Variants in ASCC1 observed in about 807,000 individuals in gnomAD.
ASCC1 encodes ASC-1 complex subunit P50.
In ASCC1, 35 loss-of-function variants were observed where a neutral mutation model predicts 46.6. The observed-to-expected ratio is 0.75, with a 90% CI of 0.57 to 0.99. ASCC1 has a LOEUF of 0.99. Ranked by LOEUF, ASCC1 falls within the 50% of genes least tolerant of loss-of-function variation. The pLI is 0.00. For synonymous variants in ASCC1, 143 were observed against 146.6 expected (o/e 0.98, Z 0.18); for missense variants, 376 against 428.7 (o/e 0.88, Z 1.09).
chr10:72,216,994 C>G (rs1859468681), upstream of ASCC1: 1 of 455,168 alleles, frequency 2.2e-6, no homozygotes, highest in African/African-American at 2.0e-5. Context: ...CAGCGCTTCT[C>G]TATCTCCTGC....
At chr10:72,200,533 A>G (rs760700405) in intron 4 of ASCC1, among the ~76,000 whole-genome samples, 2 of 151,992 alleles carry the variant, frequency 1.3e-5, no homozygotes, top group Non-Finnish European at 2.9e-5. Context: ...CTGTAATCCC[A>G]ACTACTTGGT....
chr10:72,196,961 T>C lies in ASCC1; in HGVS notation c.339A>G (p.Val113=). ...IVITGQHRNG[V]ISARTRIDVL... ...CATCAATCCGTGTTCGGGCTGAAAT[T>C]ACACCATTTCGATGCTGGCCAGTGA... The change falls in exon 5 of 10, where the codon GTA becomes GTG. Residue 113 remains valine (V), a synonymous_variant. Transcript: ENST00000672957. The C allele has an allele frequency of 3.7e-6, 6 of 1,613,688 alleles. No individual in the cohort carries two copies. Among genetic ancestry groups the C allele is most frequent in the Non-Finnish European group, 5.1e-6 (6 of 1,180,004 alleles).
At chr10:72,178,353 T>C (rs1026945979) in intron 5 of ASCC1, among the ~76,000 whole-genome samples, 22 of 152,196 alleles carry the variant, frequency 1.4e-4, no homozygotes, top group Non-Finnish European at 2.2e-4. Context: ...TTATGTTCTA[T>C]GGTACAGCGG....
chr10:72,214,624 G>A (rs892939069), intron 1 of ASCC1, among the ~76,000 whole-genome samples: 1 of 151,826 alleles, frequency 6.6e-6, no homozygotes, highest in African/African-American at 2.4e-5. Context: ...TGATCCACCC[G>A]CCTCAGTCTC....
intron 9 of ASCC1, among the ~76,000 whole-genome samples, chr10:72,120,227 CAAAT>C (rs1012264382): frequency 1.3e-5 from 2 of 152,034 alleles, no homozygotes; most frequent in African/African-American, 4.8e-5. Context: ...GACTCCATCT[CAAAT>C]AAATAAATAA....
intron 6 of ASCC1, among the ~76,000 whole-genome samples, chr10:72,155,006 TATA>T (rs1289452315): frequency 3.9e-5 from 6 of 152,204 alleles, no homozygotes; most frequent in East Asian, 1.9e-4. Context: ...ATAAAACTGA[TATA>T]ATAAGTTATA....
intron 5 of ASCC1, among the ~76,000 whole-genome samples, chr10:72,187,719 CAAAAAAAAA>C (rs761851091): frequency 2.8e-5 from 1 of 35,220 alleles, no homozygotes; most frequent in Non-Finnish European, 5.6e-5. Flanking sequence ...GAATCCGTCT[CAAAAAAAAA>C]AAAAAAAAAA....
At chr10:72,183,466 T>TG (rs1236202105) in intron 5 of ASCC1, among the ~76,000 whole-genome samples, 1 of 151,926 alleles carries the variant, frequency 6.6e-6, no homozygotes, top group African/African-American at 2.4e-5. Flanking sequence ...GAGACCAGCC[T>TG]GGGCAACACA....
intron 9 of ASCC1, 91 bp from the exon 10 acceptor site, chr10:72,097,541 C>T: frequency 1.3e-6 from 1 of 744,940 alleles, no homozygotes; most frequent in South Asian, 1.5e-5. Flanking sequence ...CACCAAACCA[C>T]AACAATCCCA....
At chr10:72,101,366 A>C (rs1274539962) in intron 9 of ASCC1, among the ~76,000 whole-genome samples, 2 of 152,180 alleles carry the variant, frequency 1.3e-5, no homozygotes, top group African/African-American at 4.8e-5. Context: ...GGCCATCAAT[A>C]AATGCAGCAG....
intron 5 of ASCC1, among the ~76,000 whole-genome samples, chr10:72,192,853 T>C (rs909708484): frequency 2.0e-5 from 3 of 151,866 alleles, no homozygotes; most frequent in South Asian, 2.1e-4. Context: ...AAAGATAATA[T>C]AAGGATGGCA....
At chr10:72,216,708 T>A (rs1859413820), upstream of ASCC1, 1 of 406,626 alleles carries the variant, frequency 2.5e-6, no homozygotes, top group African/African-American at 2.1e-5. Context: ...TGCGAGGTCA[T>A]CCCTGCCGTA....
intron 8 of ASCC1, among the ~76,000 whole-genome samples, chr10:72,129,976 C>CAA (rs34426096): frequency 1.6e-5 from 1 of 64,330 alleles, no homozygotes; most frequent in Non-Finnish European, 2.7e-5. Context: ...GACCTTGTCT[C>CAA]AAAAAAAAAA....
rs1456931694 is a variant in ASCC1 at position 72,196,870 on chromosome 10, CTTCATTGAGGAAA to C, written c.417_429del (p.Phe139LeufsTer9). On this transcript the variant is annotated frameshift_variant, in exon 5 of 10. Transcript: ENST00000672957. LOFTEE classifies it high-confidence loss of function. ...CTCAGGAATCCTTCCTGAACCTCAA[CTTCATTGAGGAAA>C]AAGGCAAGGAAGTGAGTGAAGGGCT... 6.2e-7 allele frequency: 1 copy of C among 1,613,556 alleles called. No individual in the cohort carries two copies. The highest frequency in any genetic ancestry group is 2.2e-5 in the East Asian group (1 of 44,868).
chr10:72,159,638 C>A (rs948057283), intron 6 of ASCC1, among the ~76,000 whole-genome samples: 1 of 152,044 alleles, frequency 6.6e-6, no homozygotes, highest in Admixed American at 6.6e-5. Flanking sequence ...AAGCATAATG[C>A]TTTGCTTTAT....
At chr10:72,155,511 T>G (rs553437240) in intron 6 of ASCC1, among the ~76,000 whole-genome samples, 1 of 152,252 alleles carries the variant, frequency 6.6e-6, no homozygotes, top group African/African-American at 2.4e-5. Flanking sequence ...TGGTCAAAGC[T>G]CATCAACTAC....
At chr10:72,174,111 A>G (rs1249228992) in intron 5 of ASCC1, among the ~76,000 whole-genome samples, 1 of 152,218 alleles carries the variant, frequency 6.6e-6, no homozygotes, top group Non-Finnish European at 1.5e-5. Flanking sequence ...CTTCCTCTAA[A>G]GAAAACTTAT....
chr10:72,102,504 A>C, intron 9 of ASCC1: 1 of 1,017,198 alleles, frequency 9.8e-7, no homozygotes, highest in Non-Finnish European at 1.5e-6. Context: ...ATACTAGGGA[A>C]ATGAACCTTT....
intron 9 of ASCC1, among the ~76,000 whole-genome samples, chr10:72,105,169 G>A (rs1184761086): frequency 6.6e-6 from 1 of 152,198 alleles, no homozygotes; most frequent in Non-Finnish European, 1.5e-5. Flanking sequence ...CTGTCACACT[G>A]GCCCTTTGCC....
Sources: allele counts gnomAD v4.1 joint callset (sites outside exome capture counted in the v4.1 genomes callset), GRCh38; gene constraint gnomAD v4.1.1; transcripts MANE v1.5; gene names NCBI Gene and HGNC (gene_info 2026-07-23, HGNC 2026-07-21).